Variants in ZMYM6 observed in about 807,000 individuals in gnomAD.
ZMYM6 encodes zinc finger MYM-type containing 6.
In ZMYM6, 90 loss-of-function variants were observed where a neutral mutation model predicts 134.0. The observed-to-expected ratio is 0.67, with a 90% CI of 0.57 to 0.80. The LOEUF is 0.80. Ranked by LOEUF, ZMYM6 falls within the 30% of genes least tolerant of loss-of-function variation. The pLI, the probability that ZMYM6 is intolerant of heterozygous loss-of-function variation, is 0.00. For missense variants in ZMYM6, 1,362 were observed against 1,533.9 expected (o/e 0.89, Z 1.87); for synonymous variants, 481 against 524.1 (o/e 0.92, Z 1.12).
intron 4 of ZMYM6, among the ~76,000 whole-genome samples, chr1:35,016,161 C>T (rs187677843): frequency 2.8e-4 from 42 of 152,056 alleles, no homozygotes; most frequent in Non-Finnish European, 4.3e-4. Context: ...ATATTGGCCA[C>T]GCTGGTCTCA....
At position 35,014,854 on chromosome 1, in the gene ZMYM6, T is replaced by G. The variant is rs140404514; in HGVS notation, c.638A>C (p.His213Pro). ...AAAACAGGCATCACTACAAAGACCA[T>G]GTACCACATTTTGATATTTAACTTC... is the stretch of plus-strand genomic sequence containing the variant. ...RFEVKYQNVV[H>P]GLCSDACFSK... is the part of the protein sequence containing the mutation. Residue 213 changes from histidine (H) to proline (P), a missense_variant, in exon 6 of 16, where the codon CAT (histidine) becomes CCT (proline). Transcript: ENST00000357182. The G allele has an allele frequency of 1.1e-5, 18 of 1,614,096 alleles. No individual in the cohort carries two copies. Among genetic ancestry groups the G allele is most frequent in the Admixed American group, 1.7e-5 (1 of 60,000 alleles).
intron 8 of ZMYM6, among the ~76,000 whole-genome samples, chr1:35,011,685 T>C (rs767260510): frequency 6.6e-6 from 1 of 152,200 alleles, no homozygotes; most frequent in Non-Finnish European, 1.5e-5. Flanking sequence ...GCTAGGATCC[T>C]AAATAAAGAA....
At position 35,015,723 on chromosome 1, in the gene ZMYM6, C is replaced by CAAAAAA. The variant is rs1331400824; in HGVS notation, c.429-567_429-562dup. The stretch of plus-strand genomic sequence containing the variant: ...TTGGCAACAGAGCTAGACTCCATCT[C>CAAAAAA]AAAAAAAAAAAAAAAAAAAAATATA... On this transcript the variant is annotated intron_variant, in intron 4 of 15. Transcript: ENST00000357182. Among the ~76,000 whole-genome samples, 175 of 51,146 alleles carry CAAAAAA rather than the reference C, an allele frequency of 3.4e-3. 7 individuals carry two copies. The highest frequency in any genetic ancestry group is 0.02 in the African/African-American group (148 of 7,390). 33.6% of individuals were successfully genotyped at this position (51,146 alleles called of 152,430 possible).
At position 35,012,433 on chromosome 1, in the gene ZMYM6, G is replaced by A; in HGVS notation, c.944C>T (p.Ser315Leu). The A allele has an allele frequency of 2.0e-6, 3 of 1,527,190 alleles. No individual in the cohort carries two copies. Among genetic ancestry groups the A allele is most frequent in the Non-Finnish European group, 1.8e-6 (2 of 1,142,110 alleles). 94.6% of individuals were successfully genotyped at this position (1,527,190 alleles called of 1,614,324 possible). Residue 315 changes from serine to leucine, a missense_variant and splice_region_variant, in exon 7 of 16, where the codon TCA becomes TTA. Ser to Leu is a moderately radical substitution (Grantham distance 145). Coordinates refer to ENST00000357182, the MANE Select transcript of ZMYM6 (RefSeq NM_007167.4). Reference protein sequence around the residue: ...SAYRVKTVTSSGVQVSCHSCK... With the variant: ...SAYRVKTVTSLGVQVSCHSCK... ...AATTTATCAAATTTAAACATTACCT[G>A]AAGAAGTAACAGTCTTAACTCTGTA...
At chr1:35,006,286 G>A (rs992548472) in intron 12 of ZMYM6, among the ~76,000 whole-genome samples, 2 of 152,186 alleles carry the variant, frequency 1.3e-5, no homozygotes, top group Non-Finnish European at 2.9e-5. Context: ...GGGATTACAG[G>A]TGCGAGCTAC....
intron 15 of ZMYM6, among the ~76,000 whole-genome samples, chr1:34,991,758 G>A (rs1049046801): frequency 2.6e-5 from 4 of 151,864 alleles, no homozygotes; most frequent in Admixed American, 6.6e-5. Flanking sequence ...CAACAAGAGT[G>A]AAACTCCATC....
chr1:35,001,044 G>A (rs1640871362), intron 14 of ZMYM6, among the ~76,000 whole-genome samples: 1 of 152,134 alleles, frequency 6.6e-6, no homozygotes, highest in South Asian at 2.1e-4. Flanking sequence ...CACTACAATG[G>A]CAGAGGTGAC....
intron 14 of ZMYM6, among the ~76,000 whole-genome samples, chr1:34,999,059 T>G (rs978651267): frequency 6.6e-6 from 1 of 152,098 alleles, no homozygotes; most frequent in East Asian, 1.9e-4. Context: ...AAGGTGGAGG[T>G]TGCAGTGAGC....
intron 4 of ZMYM6, among the ~76,000 whole-genome samples, chr1:35,016,953 T>C (rs1641212425): frequency 1.3e-5 from 2 of 148,622 alleles, no homozygotes; most frequent in Admixed American, 6.7e-5. Flanking sequence ...TGCAGTGAGC[T>C]GGGATCACGC....
intron 14 of ZMYM6, among the ~76,000 whole-genome samples, chr1:34,995,715 T>G (rs1177774098): frequency 1.3e-5 from 2 of 152,188 alleles, no homozygotes; most frequent in East Asian, 1.9e-4. Context: ...GGCACACAAT[T>G]TAAAACTTAC....
intron 2 of ZMYM6, among the ~76,000 whole-genome samples, chr1:35,025,295 C>T (rs1374884171): frequency 1.3e-5 from 2 of 151,404 alleles, no homozygotes; most frequent in African/African-American, 4.8e-5. Context: ...GGTGAAACCC[C>T]GTCTCTATTA....
Position 34,992,370 on chromosome 1 carries a change from A to C in ZMYM6, c.2010T>G (p.Asp670Glu), listed in dbSNP as rs150705762. The C allele has an allele frequency of 6.2e-6, 10 of 1,613,956 alleles. No individual in the cohort carries two copies. In the African/African-American group the frequency reaches 9.3e-5, roughly 15 times the overall value. The change falls in exon 15 of 16, where the codon GAT (aspartate) becomes GAG (glutamate). Residue 670 changes from aspartate to glutamate, a missense_variant. Asp to Glu is a conservative substitution (Grantham distance 45, BLOSUM62 2). This residue lies in a region of ZMYM6 where 824 missense variants were observed against 940.9 expected (regional missense o/e 0.88). Transcript: ENST00000357182. ...ATTGGGAAGATGGAAATTTCATAGCATCTTCCTGTGTACTTTCCTAGTTAA... is the reference window on the plus strand; with the variant it reads ...ATTGGGAAGATGGAAATTTCATAGCCTCTTCCTGTGTACTTTCCTAGTTAA... Reference protein sequence around the residue: ...KIIQDESTQEDAMKFPSSQSS... With the variant: ...KIIQDESTQEEAMKFPSSQSS...
At position 35,010,492 on chromosome 1, in the gene ZMYM6, C is replaced by T. The variant is rs1465218317; in HGVS notation, c.1447G>A (p.Glu483Lys). 3 of 1,614,010 alleles carry T rather than the reference C, an allele frequency of 1.9e-6. No homozygotes were observed. Among genetic ancestry groups the T allele is most frequent in the Non-Finnish European group, 2.5e-6 (3 of 1,179,986 alleles). Residue 483 changes from glutamate to lysine, a missense_variant, in exon 10 of 16, where the codon GAG (glutamate) becomes AAG (lysine). By Grantham distance (56) the Glu-to-Lys change is moderately conservative. Around this residue, in one of 3 missense-constraint regions of ZMYM6, gnomAD observed 35 missense variants for 72.2 expected, o/e 0.48. Transcript: ENST00000357182. ...DYCKLQKIIKETVRFSGVDKP... is the reference protein window; with the variant it reads ...DYCKLQKIIKKTVRFSGVDKP... ...TCAACCCCTGAGAATCGCACAGTCT[C>T]CTTTATAATTTTCTGCAGTTTACAG...
Position 34,987,358 on chromosome 1 carries a change from A to AATCTGAAGCT in ZMYM6, c.3723_3724insAGCTTCAGAT (p.Leu1242SerfsTer11). 1 of 1,613,906 alleles carries AATCTGAAGCT rather than the reference A, an allele frequency of 6.2e-7. No homozygotes were observed. Among genetic ancestry groups the AATCTGAAGCT allele is most frequent in the Non-Finnish European group, 8.5e-7 (1 of 1,179,950 alleles). ...GATTTAAATAGTGCTTGTAATCCTAAATCTGAAGATAGCTCTGTTAGCTTT... is the reference window on the plus strand; with the variant it reads ...GATTTAAATAGTGCTTGTAATCCTAAATCTGAAGCTATCTGAAGATAGCTCTGTTAGCTTT... On this transcript the variant is annotated frameshift_variant, in exon 16 of 16. Coordinates refer to ENST00000357182, the MANE Select transcript of ZMYM6 (RefSeq NM_007167.4). LOFTEE classifies it high-confidence loss of function.
chr1:35,021,890 C>CT (rs369049946), intron 2 of ZMYM6, among the ~76,000 whole-genome samples: 3 of 151,888 alleles, frequency 2.0e-5, no homozygotes, highest in East Asian at 1.9e-4. Context: ...TGCAACCATC[C>CT]TTTTTTTTAA....
intron 4 of ZMYM6, among the ~76,000 whole-genome samples, chr1:35,016,497 A>T (rs1641190571): frequency 6.6e-6 from 1 of 152,218 alleles, no homozygotes; most frequent in Non-Finnish European, 1.5e-5. Flanking sequence ...GGTAAAACAG[A>T]GGTTAAGTAT....
intron 15 of ZMYM6, among the ~76,000 whole-genome samples, chr1:34,991,397 C>T (rs956741351): frequency 7.2e-5 from 11 of 151,972 alleles, no homozygotes; most frequent in African/African-American, 2.7e-4. Context: ...AATAAAGGTA[C>T]CCTACATAAA....
At chr1:35,017,837 C>A (rs1414833687) in intron 4 of ZMYM6, 1 of 152,042 alleles carries the variant, frequency 6.6e-6, no homozygotes, top group East Asian at 1.9e-4. Context: ...GGGGTGACTA[C>A]TTTTAAGAAA....
At position 34,987,135 on chromosome 1, in the gene ZMYM6, C is replaced by T. The variant is rs752281505; in HGVS notation, c.3947G>A (p.Arg1316Lys). Residue 1316 changes from arginine to lysine, a missense_variant, in exon 16 of 16, where the codon AGG (arginine) becomes AAG (lysine). Around this residue, in one of 3 missense-constraint regions of ZMYM6, gnomAD observed 824 missense variants for 940.9 expected, o/e 0.88. Transcript: ENST00000357182. The stretch of plus-strand genomic sequence containing the variant: ...TTTCTCCTTCACTAATTTTTCTATC[C>T]TTGGAATTAAAGATGTGACTGCAAG... Reference protein sequence around the residue: ...LRLAVTSLIPRIEKLVKEKE With the variant: ...LRLAVTSLIPKIEKLVKEKE 1 of 1,570,300 alleles carries T rather than the reference C, an allele frequency of 6.4e-7. No individual in the cohort carries two copies.
Sources: gnomAD v4.1 joint callset for allele counts (sites outside exome capture counted in the v4.1 genomes callset) on GRCh38, gnomAD v4.1.1 for gene constraint, gnomAD v4.1.1 regional missense constraint, MANE v1.5 for transcripts, NCBI Gene and HGNC (gene_info 2026-07-23, HGNC 2026-07-21) for gene names.